Variants in FOXJ3 observed in about 807,000 individuals in gnomAD.
FOXJ3 encodes the protein forkhead box protein J3.
Under a neutral mutation model 76.1 loss-of-function variants are expected in FOXJ3, and 22 were observed. The observed-to-expected ratio is 0.29, with a 90% CI of 0.21 to 0.41. The LOEUF (loss-of-function observed/expected upper bound fraction) is 0.41, where lower values mean the gene tolerates loss of function less well. Ranked by LOEUF, FOXJ3 falls within the 10% of genes least tolerant of loss-of-function variation. The probability of loss-of-function intolerance (pLI) is 1.00; values close to 1 mark genes in which losing one functional copy is unlikely to be tolerated. For missense variants in FOXJ3, 613 were observed against 762.1 expected, an observed-to-expected ratio of 0.80 and a Z score of 2.30; for synonymous variants, 269 against 261.2, an observed-to-expected ratio of 1.03 and a Z score of -0.29.
In FOXJ3 at chr1:42,242,204, GA is replaced by G. The variant is rs566533469; in HGVS notation, c.445-14239del. On this transcript the variant is annotated intron_variant, in intron 4 of 12. Coordinates refer to ENST00000361346, the MANE Select transcript of FOXJ3 (RefSeq NM_014947.5). ...GACAACATAAAAACACAAGAAATGT[GA>G]AAAAAAAAATACAACACCTCCAAAG... is the stretch of plus-strand genomic sequence containing the variant. 3.8e-3 allele frequency among the ~76,000 whole-genome samples: 551 copies of G among 146,770 alleles called. 3 individuals are homozygous for G. The highest frequency in any genetic ancestry group is 6.4e-3 in the Non-Finnish European group (427 of 66,438).
chr1:42,288,779 C>CAGAG (rs10640329), intron 2 of FOXJ3, among the ~76,000 whole-genome samples: 21 of 151,928 alleles, frequency 1.4e-4, no homozygotes, highest in African/African-American at 3.9e-4. Flanking sequence ...AGATTTAATG[C>CAGAG]AGAGAGAGAT....
At chr1:42,300,951 T>C (rs1013945395) in intron 2 of FOXJ3, among the ~76,000 whole-genome samples, 1 of 152,180 alleles carries the variant, frequency 6.6e-6, no homozygotes, top group African/African-American at 2.4e-5. Flanking sequence ...TTTCTTCTTT[T>C]TCCTTCACAC....
intron 11 of FOXJ3, among the ~76,000 whole-genome samples, chr1:42,186,794 T>C (rs2124159000): frequency 6.6e-6 from 1 of 152,242 alleles, no homozygotes. Context: ...AAAACTGAAA[T>C]TCACCAACAT....
At chr1:42,197,796 A>T (rs1163267075) in intron 7 of FOXJ3, among the ~76,000 whole-genome samples, 2 of 151,924 alleles carry the variant, frequency 1.3e-5, no homozygotes, top group African/African-American at 4.8e-5. Context: ...GGTGCATGCC[A>T]CAATGCCTGG....
In FOXJ3 at chr1:42,199,199, C is replaced by T. The variant is rs1646711388; in HGVS notation, c.662G>A (p.Ser221Asn). The T allele has an allele frequency of 6.2e-7, 1 of 1,612,756 alleles. No individual in the cohort carries two copies. The highest frequency in any genetic ancestry group is 1.7e-5 in the Admixed American group (1 of 60,004). The change falls in exon 7 of 13, where the codon AGT becomes AAT. Residue 221 changes from serine (S) to asparagine (N), a missense_variant. Ser to Asn is a conservative substitution (Grantham distance 46). Transcript: ENST00000361346. ...GTTAAGGCTACTGCGTGGGCTATCACTACCATCCTGATCAGTGTTATACAA... is the reference window on the plus strand; with the variant it reads ...GTTAAGGCTACTGCGTGGGCTATCATTACCATCCTGATCAGTGTTATACAA... ...VTLYNTDQDG[S>N]DSPRSSLNNS...
At chr1:42,187,588 C>A (rs1053712532) in intron 11 of FOXJ3, among the ~76,000 whole-genome samples, 2 of 151,900 alleles carry the variant, frequency 1.3e-5, no homozygotes, top group Non-Finnish European at 2.9e-5. Context: ...GGAAGAAGGG[C>A]ACATAAGTGA....
At chr1:42,182,831 C>G (rs1308922191) in intron 11 of FOXJ3, among the ~76,000 whole-genome samples, 1 of 152,096 alleles carries the variant, frequency 6.6e-6, no homozygotes, top group Non-Finnish European at 1.5e-5. Context: ...CCACCTATTT[C>G]TCTACTTCCC....
chr1:42,297,349 G>C (rs1300426108), intron 2 of FOXJ3, among the ~76,000 whole-genome samples: 1 of 152,132 alleles, frequency 6.6e-6, no homozygotes, highest in Non-Finnish European at 1.5e-5. Flanking sequence ...TCTTGTTCCT[G>C]TTCTTAAGGA....
At chr1:42,227,774 A>G in intron 5 of FOXJ3, 109 bp downstream of exon 5, 1 of 518,292 alleles carries the variant, frequency 1.9e-6, no homozygotes, top group Non-Finnish European at 3.4e-6. Context: ...CACAAATAAA[A>G]TCTTACCATC....
Position 42,179,730 on chromosome 1 carries a change from C to A in FOXJ3, c.1849G>T (p.Asp617Tyr). The change falls in exon 13 of 13, where the codon GAT becomes TAT. Residue 617 changes from aspartate to tyrosine, a missense_variant. Asp to Tyr is a radical substitution (Grantham distance 160). Around this residue, in one of 3 missense-constraint regions of FOXJ3, gnomAD observed 526 missense variants for 601.4 expected, o/e 0.87. Transcript: ENST00000361346. Reference sequence around the variant, plus strand: ...AAGCCCTACACAATTGAATCCCAATCAAAGTCATCCTGGATGTCATCTGGA... The same window carrying A: ...AAGCCCTACACAATTGAATCCCAATAAAAGTCATCCTGGATGTCATCTGGA... ...LPPDDIQDDF[D>Y]WDSIV 1 of 1,612,512 alleles carries A rather than the reference C, an allele frequency of 6.2e-7. No homozygotes were observed. The highest frequency in any genetic ancestry group is 1.1e-5 in the South Asian group (1 of 91,016).
At chr1:42,258,113 G>C (rs999519778) in intron 4 of FOXJ3, among the ~76,000 whole-genome samples, 1 of 152,166 alleles carries the variant, frequency 6.6e-6, no homozygotes, top group Non-Finnish European at 1.5e-5. Flanking sequence ...AATCATCATA[G>C]ACAATTCTCT....
At chr1:42,275,327 C>T (rs1652179234) in intron 3 of FOXJ3, among the ~76,000 whole-genome samples, 1 of 152,144 alleles carries the variant, frequency 6.6e-6, no homozygotes, top group African/African-American at 2.4e-5. Context: ...CCTATAACTC[C>T]CTTCCTCTAC....
At chr1:42,223,581 A>G (rs147189834) in intron 5 of FOXJ3, among the ~76,000 whole-genome samples, 15 of 152,284 alleles carry the variant, frequency 9.9e-5, no homozygotes, top group African/African-American at 2.9e-4. Flanking sequence ...CTTTCGCACC[A>G]AAATTACTAG....
intron 4 of FOXJ3, among the ~76,000 whole-genome samples, chr1:42,254,698 G>A (rs1650426163): frequency 7.1e-6 from 1 of 141,366 alleles, no homozygotes; most frequent in African/African-American, 2.6e-5. Flanking sequence ...ATCATTCTCA[G>A]TAAACTATCG....
chr1:42,235,725 G>C (rs1331213585), intron 4 of FOXJ3, among the ~76,000 whole-genome samples: 2 of 152,056 alleles, frequency 1.3e-5, no homozygotes, highest in Non-Finnish European at 2.9e-5. Flanking sequence ...ACCACACCCG[G>C]ATAATTTTCG....
At chr1:42,275,346 A>G (rs571688062) in intron 3 of FOXJ3, among the ~76,000 whole-genome samples, 2 of 152,200 alleles carry the variant, frequency 1.3e-5, no homozygotes, top group African/African-American at 2.4e-5. Context: ...ACATGTATAC[A>G]CACACCCCAC....
chr1:42,237,679 C>CT (rs1220483056), intron 4 of FOXJ3, among the ~76,000 whole-genome samples: 7 of 150,238 alleles, frequency 4.7e-5, no homozygotes, highest in Non-Finnish European at 5.9e-5. Flanking sequence ...TGCTTTATAT[C>CT]TTTTTTTTTA....
intron 4 of FOXJ3, among the ~76,000 whole-genome samples, chr1:42,236,307 C>G (rs1648623410): frequency 6.6e-6 from 1 of 152,224 alleles, no homozygotes; most frequent in Non-Finnish European, 1.5e-5. Flanking sequence ...ACTCCTTCCT[C>G]AGCCTCCTGA....
At chr1:42,223,230 C>T (rs1163005901) in intron 5 of FOXJ3, among the ~76,000 whole-genome samples, 1 of 152,158 alleles carries the variant, frequency 6.6e-6, no homozygotes, top group African/African-American at 2.4e-5. Context: ...ATGTATATAT[C>T]CCTAGCTCAG....
Sources: gnomAD v4.1 joint callset for allele counts (sites outside exome capture counted in the v4.1 genomes callset) on GRCh38, gnomAD v4.1.1 for gene constraint, gnomAD v4.1.1 regional missense constraint, MANE v1.5 for transcripts, NCBI Gene and HGNC (gene_info 2026-07-23, HGNC 2026-07-21) for gene names.